The following TENM3 variants were observed in gnomAD, a reference collection of about 807,000 sequenced individuals.
TENM3 encodes the protein teneurin transmembrane protein 3.
In TENM3, 63 loss-of-function variants were observed where a neutral mutation model predicts 255.1. The observed-to-expected ratio is 0.25, with a 90% CI of 0.20 to 0.30. The LOEUF (loss-of-function observed/expected upper bound fraction) is 0.30. TENM3 is among the 10% of genes least tolerant of loss of function. The probability of loss-of-function intolerance (pLI) is 1.00; values close to 1 mark genes in which losing one functional copy is unlikely to be tolerated. For synonymous variants in TENM3, 1,306 were observed against 1,322.3 expected (o/e 0.99, Z 0.27); for missense variants, 2,929 against 3,461.1 (o/e 0.85, Z 3.86).
chr4:182,342,941 G>C (rs1415279384), intron 2 of TENM3, among the ~76,000 whole-genome samples: 1 of 152,164 alleles, frequency 6.6e-6, no homozygotes, highest in Non-Finnish European at 1.5e-5. Flanking sequence ...ATGAGAAAAA[G>C]AACAAATAGC....
the TENM3 span, among the ~76,000 whole-genome samples, chr4:181,793,808 G>A: frequency 0.077 from 11,792 of 152,174 alleles, 507 homozygotes; most frequent in East Asian, 0.15. Context: ...AGCTCACATC[G>A]TTTTAGCAAA....
intron 3 of TENM3, among the ~76,000 whole-genome samples, chr4:182,488,824 C>T (rs935813142): frequency 6.6e-6 from 1 of 151,804 alleles, no homozygotes; most frequent in Non-Finnish European, 1.5e-5. Flanking sequence ...AACCAGAACG[C>T]ATTAGTAATT....
intron 1 of TENM3, among the ~76,000 whole-genome samples, chr4:182,161,720 TGTATATATATATACACAA>T (rs1751245238): frequency 9.6e-4 from 1 of 1,042 alleles, no homozygotes; most frequent in Admixed American, 0.017. Flanking sequence ...CATATATATG[TGTATATATATATACACAA>T]ATATATGTGT....
At chr4:181,867,695 A>G in the TENM3 span, among the ~76,000 whole-genome samples, 1 of 152,206 alleles carries the variant, frequency 6.6e-6, no homozygotes, top group African/African-American at 2.4e-5. Context: ...ATGTACTGTT[A>G]TGATAAAATT....
At chr4:181,495,238 G>A in the TENM3 span, among the ~76,000 whole-genome samples, 1 of 152,154 alleles carries the variant, frequency 6.6e-6, no homozygotes, top group African/African-American at 2.4e-5. Flanking sequence ...AATTCCAGGA[G>A]TAAGTTAAGT....
chr4:181,680,905 C>T, the TENM3 span, among the ~76,000 whole-genome samples: 1 of 152,066 alleles, frequency 6.6e-6, no homozygotes, highest in Non-Finnish European at 1.5e-5. Flanking sequence ...CAGGTAAATA[C>T]TGAATCACAT....
At chr4:181,480,545 G>T in the TENM3 span, among the ~76,000 whole-genome samples, 1 of 151,828 alleles carries the variant, frequency 6.6e-6, no homozygotes, top group Non-Finnish European at 1.5e-5. Flanking sequence ...TTAATAAGTT[G>T]GCTGCATTAT....
At chr4:182,422,347 C>G (rs141422832) in intron 3 of TENM3, among the ~76,000 whole-genome samples, 1 of 152,296 alleles carries the variant, frequency 6.6e-6, no homozygotes, top group East Asian at 1.9e-4. Flanking sequence ...TCGGTGGTGA[C>G]ATGGAAGGCG....
chr4:182,145,383 G>C (rs575186012), intron 1 of TENM3: 1 of 152,298 alleles, frequency 6.6e-6, no homozygotes, highest in East Asian at 1.9e-4. Flanking sequence ...AAAATATCCT[G>C]AGCTGGGCGT....
chr4:181,770,817 G>C, the TENM3 span, among the ~76,000 whole-genome samples: 1 of 151,976 alleles, frequency 6.6e-6, no homozygotes, highest in East Asian at 1.9e-4. Flanking sequence ...GTTAGTACAT[G>C]AAAGCTTGAG....
At chr4:182,654,283 A>G (rs553289766) in intron 6 of TENM3, among the ~76,000 whole-genome samples, 1 of 152,314 alleles carries the variant, frequency 6.6e-6, no homozygotes, top group South Asian at 2.1e-4. Context: ...TTTATTATAA[A>G]AGCATTTAAA....
At chr4:182,288,903 A>T (rs1485931674) in intron 1 of TENM3, among the ~76,000 whole-genome samples, 1 of 152,188 alleles carries the variant, frequency 6.6e-6, no homozygotes, top group Non-Finnish European at 1.5e-5. Context: ...AAATGTGCTA[A>T]GCAATTTAAC....
rs577577514 is a variant in TENM3 at position 182,643,336 on chromosome 4, T to C, written c.989-10435T>C. Among the ~76,000 whole-genome samples, 3 of 152,328 alleles carry C rather than the reference T, an allele frequency of 2.0e-5. No individual in the cohort carries two copies. In the East Asian group the frequency reaches 5.8e-4, roughly 29 times the overall value. The stretch of plus-strand genomic sequence containing the variant: ...GGAATCGTATGTATAACATGATAGT[T>C]TGACTCTATGCAATGTAGTTTTAAA... On this transcript the variant is annotated intron_variant, in intron 5 of 27. Coordinates refer to ENST00000511685, the MANE Select transcript of TENM3 (RefSeq NM_001080477.4).
chr4:181,487,889 C>A, the TENM3 span, among the ~76,000 whole-genome samples: 2 of 152,024 alleles, frequency 1.3e-5, no homozygotes, highest in African/African-American at 4.8e-5. Context: ...CTCTGGGCAA[C>A]AATATAGATG....
At chr4:182,581,693 C>T (rs894824103) in intron 3 of TENM3, among the ~76,000 whole-genome samples, 4 of 151,916 alleles carry the variant, frequency 2.6e-5, no homozygotes, top group African/African-American at 4.8e-5. Flanking sequence ...GCCAAGATTG[C>T]GCCATTACAC....
Position 182,792,681 on chromosome 4 carries a change from G to A in TENM3, c.6009G>A (p.Gln2003=), listed in dbSNP as rs1266321556. Residue 2003 remains glutamine (Q), a synonymous_variant, in exon 26 of 28, where the codon CAG becomes CAA. Transcript: ENST00000511685. This position sits in a 1 kb window ranked among gnomAD's most constrained non-coding sequence, Gnocchi z 6.3. ...AAATTGGTCCCCTGATTGACAGGCA[G>A]ATTTTCCGCTTTAGTGAAGATGGGA... The part of the protein sequence containing the change: ...YRQIGPLIDR[Q]IFRFSEDGMV... The A allele has an allele frequency of 1.9e-6, 3 of 1,613,920 alleles. No individual in the cohort carries two copies. The highest frequency in any genetic ancestry group is 2.5e-6 in the Non-Finnish European group (3 of 1,179,892).
At chr4:182,088,252 G>A in the TENM3 span, among the ~76,000 whole-genome samples, 2 of 152,112 alleles carry the variant, frequency 1.3e-5, no homozygotes, top group African/African-American at 2.4e-5. Flanking sequence ...ATAAGCATAG[G>A]GCTTTCTGGA....
At chr4:182,612,764 C>T (rs1024130575) in intron 4 of TENM3, among the ~76,000 whole-genome samples, 1 of 139,684 alleles carries the variant, frequency 7.2e-6, no homozygotes, top group Non-Finnish European at 1.6e-5. Context: ...CACACACACA[C>T]ACACAGTGGG....
At chr4:182,094,923 C>T in the TENM3 span, among the ~76,000 whole-genome samples, 1 of 145,132 alleles carries the variant, frequency 6.9e-6, no homozygotes, top group African/African-American at 2.6e-5. Context: ...TAGATAATGT[C>T]TCACAGGAAA....
Sources: allele counts gnomAD v4.1 joint callset (sites outside exome capture counted in the v4.1 genomes callset), GRCh38; gene constraint gnomAD v4.1.1; non-coding constraint Gnocchi (gnomAD v3.1); transcripts MANE v1.5; gene names NCBI Gene and HGNC (gene_info 2026-07-23, HGNC 2026-07-21).